Variants in ANO3 observed in about 807,000 individuals in gnomAD.
ANO3 encodes the protein anoctamin-3.
ANO3 carries 99 observed loss-of-function variants against 144.8 expected under a neutral mutation model. That is an observed-to-expected ratio of 0.68 (90% CI 0.58 to 0.81). ANO3 has a LOEUF of 0.81. ANO3 is among the 30% of genes least tolerant of loss of function. The pLI is 0.00. For missense variants in ANO3, 905 were observed against 1,202.2 expected (o/e 0.75, Z 3.66); for synonymous variants, 414 against 392.6 (o/e 1.05, Z -0.64).
In ANO3 at chr11:26,599,563, T is replaced by C; in HGVS notation, c.1685T>C (p.Ile562Thr). 6.2e-7 allele frequency: 1 copy of C among 1,613,612 alleles called. No individual in the cohort carries two copies. Among genetic ancestry groups the C allele is most frequent in the Non-Finnish European group, 8.5e-7 (1 of 1,179,690 alleles). ...SGIFFMISLV[I>T]TAVFGVVVYR... ...CCAATATTGTAGATATCCTTGGTGA[T>C]CACTGCAGTGTTTGGAGTTGTGGTG... is the stretch of plus-strand genomic sequence containing the variant. Residue 562 changes from isoleucine (I) to threonine (T), a missense_variant, in exon 17 of 27, where the codon ATC becomes ACC. Physicochemically the swap from Ile to Thr is moderately conservative, Grantham distance 89. Coordinates refer to ENST00000256737, the MANE Select transcript of ANO3 (RefSeq NM_031418.4).
At chr11:26,426,370 G>A (rs1857920382) in intron 1 of ANO3, among the ~76,000 whole-genome samples, 1 of 152,094 alleles carries the variant, frequency 6.6e-6, no homozygotes, top group Non-Finnish European at 1.5e-5. Context: ...ACGTAAGTGT[G>A]AAAAGATAAA....
chr11:26,456,732 C>G (rs1478003396), intron 3 of ANO3, among the ~76,000 whole-genome samples: 2 of 123,360 alleles, frequency 1.6e-5, no homozygotes, highest in Non-Finnish European at 3.3e-5. Context: ...TGGGTATATA[C>G]CCAAAGGACT....
chr11:26,493,957 A>C (rs1205714469), intron 4 of ANO3, among the ~76,000 whole-genome samples: 1 of 152,228 alleles, frequency 6.6e-6, no homozygotes, highest in Non-Finnish European at 1.5e-5. Context: ...AATTTAAGCT[A>C]AGATGTTAGT....
At chr11:26,609,966 C>T (rs1852047548) in intron 17 of ANO3, among the ~76,000 whole-genome samples, 1 of 152,210 alleles carries the variant, frequency 6.6e-6, no homozygotes, top group South Asian at 2.1e-4. Context: ...GGCTGGACTG[C>T]AATGGCGCGA....
chr11:26,437,595 A>G (rs1565024267), intron 1 of ANO3, among the ~76,000 whole-genome samples: 1 of 150,646 alleles, frequency 6.6e-6, no homozygotes, highest in Non-Finnish European at 1.5e-5. Flanking sequence ...TGCTGTATTT[A>G]TTACCCCTTC....
chr11:26,236,777 C>G lies in ANO3; in HGVS notation c.154+47447C>G, dbSNP rs1476859870. ...AGCTTGCAGTGAGCCCAGATCGCGC[C>G]ACTGCACTCCAGCCTGGGCGACAGA... On this transcript the variant is annotated intron_variant, in intron 1 of 27. Coordinates refer to the ANO3 transcript ENST00000672621. Among the ~76,000 whole-genome samples the G allele has an allele frequency of 2.1e-5, 3 of 141,508 alleles. No homozygotes were observed. In the East Asian group the frequency reaches 6.3e-4, roughly 30 times the overall value. 92.8% of individuals were successfully genotyped at this position (141,508 alleles called of 152,430 possible). A position where few individuals can be genotyped will look rare whatever the true frequency, so the allele number is the denominator to read the frequency against.
At chr11:26,586,501 A>ATGTTTTTTTTTTTTTTTTTT (rs1281089936) in intron 14 of ANO3, among the ~76,000 whole-genome samples, 1 of 40,018 alleles carries the variant, frequency 2.5e-5, no homozygotes, top group African/African-American at 8.9e-5. Context: ...CCTGGTGAGA[A>ATGTTTTTTTTTTTTTTTTTT]TCTTTTTTTT....
At chr11:26,422,813 T>C (rs1268905507) in intron 1 of ANO3, among the ~76,000 whole-genome samples, 1 of 152,020 alleles carries the variant, frequency 6.6e-6, no homozygotes, top group Non-Finnish European at 1.5e-5. Flanking sequence ...CTGCTAGTAA[T>C]GCCAAGCAAG....
chr11:26,476,175 A>T (rs1274057360), intron 4 of ANO3, among the ~76,000 whole-genome samples: 1 of 152,124 alleles, frequency 6.6e-6, no homozygotes, highest in African/African-American at 2.4e-5. Flanking sequence ...GTATGCATTG[A>T]TGAATAAAAT....
chr11:26,615,389 T>A (rs1401753002), intron 17 of ANO3, among the ~76,000 whole-genome samples: 3 of 131,788 alleles, frequency 2.3e-5, no homozygotes, highest in Non-Finnish European at 4.7e-5. Context: ...TAAGCTTCTG[T>A]CAGTTTATAT....
At chr11:26,448,726 ATTT>A (rs1452026745) in intron 3 of ANO3, among the ~76,000 whole-genome samples, 7 of 96,056 alleles carry the variant, frequency 7.3e-5, no homozygotes, top group African/African-American at 2.5e-4. Flanking sequence ...GAAGGAACAT[ATTT>A]TTCAGTTATG....
intron 18 of ANO3, among the ~76,000 whole-genome samples, chr11:26,626,685 C>T (rs1181917798): frequency 6.6e-6 from 1 of 152,140 alleles, no homozygotes; most frequent in African/African-American, 2.4e-5. Context: ...AACTTCGCTT[C>T]CAGGAGATTT....
At chr11:26,651,508 G>C (rs1392362905) in intron 24 of ANO3, among the ~76,000 whole-genome samples, 2 of 151,998 alleles carry the variant, frequency 1.3e-5, no homozygotes, top group African/African-American at 2.4e-5. Flanking sequence ...AGGCATTAAA[G>C]GGATTTGCAA....
intron 1 of ANO3, among the ~76,000 whole-genome samples, chr11:26,201,880 G>A (rs1161948265): frequency 2.0e-5 from 3 of 151,384 alleles, no homozygotes; most frequent in African/African-American, 4.8e-5. Flanking sequence ...ATCCCTGAGA[G>A]CCTGCCAGTT....
At chr11:26,501,925 G>C (rs575578553) in intron 4 of ANO3, among the ~76,000 whole-genome samples, 1 of 152,142 alleles carries the variant, frequency 6.6e-6, no homozygotes, top group East Asian at 1.9e-4. Context: ...AGTTGGTGAG[G>C]TTCTCTTTCT....
rs763020761 is a variant in ANO3, at chr11:26,271,887, A to G, written c.155-37758A>G. Among the ~76,000 whole-genome samples, 20 of 152,152 alleles carry G rather than the reference A, an allele frequency of 1.3e-4. 1 individual carries two copies. The highest frequency in any genetic ancestry group is 4.1e-4 in the South Asian group (2 of 4,824). Reference sequence around the variant, plus strand: ...AATATTATGCAATACTTAAATGTGAACATGCTTCCAAGGTGCTGGATAAAT... The same window carrying G: ...AATATTATGCAATACTTAAATGTGAGCATGCTTCCAAGGTGCTGGATAAAT... On this transcript the variant is annotated intron_variant, in intron 1 of 27. Transcript: ENST00000672621.
intron 1 of ANO3, among the ~76,000 whole-genome samples, chr11:26,199,456 A>G (rs574276023): frequency 6.6e-6 from 1 of 152,286 alleles, no homozygotes; most frequent in Admixed American, 6.5e-5. Context: ...TTCAGGGCAG[A>G]ATTCACGTGG....
chr11:26,542,981 C>T (rs937253620), intron 11 of ANO3, among the ~76,000 whole-genome samples: 3 of 151,924 alleles, frequency 2.0e-5, no homozygotes, highest in Non-Finnish European at 2.9e-5. Context: ...GAAAGGGGTA[C>T]TTGTAGAGAA....
Position 26,242,197 on chromosome 11 carries a change from A to G in ANO3, c.154+52867A>G, listed in dbSNP as rs187636453. ...AAACTAGCATTTAAAGCCCAATATTATCTTCCCTTCGCCTAAATGTCTAGT... is the reference window on the plus strand; with the variant it reads ...AAACTAGCATTTAAAGCCCAATATTGTCTTCCCTTCGCCTAAATGTCTAGT... On this transcript the variant is annotated intron_variant, in intron 1 of 27. Transcript: ENST00000672621. Among the ~76,000 whole-genome samples the G allele has an allele frequency of 1.5e-3, 231 of 152,316 alleles. 2 individuals are homozygous for G. Among genetic ancestry groups the G allele is most frequent in the South Asian group, 2.1e-3 (10 of 4,830 alleles).
Sources: gnomAD v4.1 joint callset for allele counts (sites outside exome capture counted in the v4.1 genomes callset) on GRCh38, gnomAD v4.1.1 for gene constraint, MANE v1.5 for transcripts, NCBI Gene and HGNC (gene_info 2026-07-23, HGNC 2026-07-21) for gene names.